GALNS: variants seen among roughly 807,000 people sequenced by gnomAD.
The protein encoded by GALNS is N-acetylgalactosamine-6-sulfatase.
In GALNS, 65 loss-of-function variants were observed where a neutral mutation model predicts 65.9. That is an observed-to-expected ratio of 0.99 (90% CI 0.81 to 1.21). The LOEUF (loss-of-function observed/expected upper bound fraction) is 1.21. Ranked by LOEUF, GALNS falls within the 50% of genes most tolerant of loss-of-function variation. GALNS has a pLI of 0.00. For synonymous variants in GALNS, 346 were observed against 288.9 expected, an observed-to-expected ratio of 1.20 and a Z score of -2.00; for missense variants, 776 against 700.7, an observed-to-expected ratio of 1.11 and a Z score of -1.21.
In GALNS at chr16:88,837,717, A is replaced by G. The variant is rs765970426; in HGVS notation, c.471T>C (p.Asp157=). ...PQFHPLKHGF[D]EWFGSPNCHF... Reference sequence around the variant, plus strand: ...GGCAGTTGGGGGATCCAAACCACTCATCAAATCCGTGCTTCAGGGGGTGGA... The same window carrying G: ...GGCAGTTGGGGGATCCAAACCACTCGTCAAATCCGTGCTTCAGGGGGTGGA... Residue 157 remains aspartate, a synonymous_variant, in exon 5 of 14, where the codon GAT becomes GAC. Coordinates refer to ENST00000268695, the MANE Select transcript of GALNS (RefSeq NM_000512.5). 83 of 1,614,044 alleles carry G rather than the reference A, an allele frequency of 5.1e-5. No individual in the cohort carries two copies. In the South Asian group the frequency reaches 8.2e-4, roughly 16 times the overall value.
rs764602832 is a variant in GALNS, at chr16:88,849,797, TAG to T, written c.120+6959_120+6960del. The stretch of plus-strand genomic sequence containing the variant: ...TGGAGGCTGGAATGAAAGGAGGACC[TAG>T]AGAGAGGTGTCCCCTGAAGCTGATG... On this transcript the variant is annotated intron_variant, in intron 1 of 13. Coordinates refer to ENST00000268695, the MANE Select transcript of GALNS (RefSeq NM_000512.5). 5.3e-5 allele frequency among the ~76,000 whole-genome samples: 8 copies of T among 152,282 alleles called. No individual in the cohort carries two copies. In the East Asian group the frequency reaches 1.5e-3, roughly 29 times the overall value.
At chr16:88,830,258 G>C (rs973998842) in intron 9 of GALNS, among the ~76,000 whole-genome samples, 1 of 117,246 alleles carries the variant, frequency 8.5e-6, no homozygotes, top group Admixed American at 8.0e-5. Context: ...AAAAAAAAAC[G>C]TGGAACAGGA....
chr16:88,818,136 G>C lies in GALNS; in HGVS notation c.1365-12C>G. Reference sequence around the variant, plus strand: ...CGGCGCTGGCAAAGCTGGGGACAGAGAGCTCTGGTCACACGGCTGGGGCTG... The same window carrying C: ...CGGCGCTGGCAAAGCTGGGGACAGACAGCTCTGGTCACACGGCTGGGGCTG... On this transcript the variant is annotated splice_polypyrimidine_tract_variant and intron_variant, in intron 12 of 13. Coordinates refer to ENST00000268695, the MANE Select transcript of GALNS (RefSeq NM_000512.5). 1.3e-6 allele frequency: 2 copies of C among 1,567,984 alleles called. No homozygotes were observed. The highest frequency in any genetic ancestry group is 1.7e-6 in the Non-Finnish European group (2 of 1,163,832).
rs201278722 is a variant in GALNS at position 88,842,721 on chromosome 16, G to C, written c.229C>G (p.Pro77Ala). Residue 77 changes from proline (P) to alanine (A), a missense_variant, in exon 2 of 14, where the codon CCT (proline) becomes GCT (alanine). By Grantham distance (27) the Pro-to-Ala change is conservative. Coordinates refer to ENST00000268695, the MANE Select transcript of GALNS (RefSeq NM_000512.5). ...GCTGACTTACATGGCGAGCACAGAG[G>C]GTTGGCAGAATAGAAGTTTGGGAAA... ...LLFPNFYSAN[P>A]LCSPSRAALL... 1 of 1,612,990 alleles carries C rather than the reference G, an allele frequency of 6.2e-7. No homozygotes were observed. Among genetic ancestry groups the C allele is most frequent in the African/African-American group, 1.3e-5 (1 of 75,028 alleles).
chr16:88,851,540 C>T (rs982265247), intron 1 of GALNS, among the ~76,000 whole-genome samples: 4 of 152,068 alleles, frequency 2.6e-5, no homozygotes, highest in African/African-American at 7.2e-5. Flanking sequence ...GAGGGTGAGC[C>T]GAAGCAGGGT....
rs576763862 is a variant in GALNS, at chr16:88,835,925, A to T, written c.634-76T>A. 3.8e-4 allele frequency: 604 copies of T among 1,594,124 alleles called. 3 individuals carry two copies. The East Asian group carries it at 0.012, about 32-fold the overall frequency. Reference sequence around the variant, plus strand: ...TGCCTCCCACGGTCCCCGTCCCCACACGTCCCACGGGGCGAGGTTGGTGCG... The same window carrying T: ...TGCCTCCCACGGTCCCCGTCCCCACTCGTCCCACGGGGCGAGGTTGGTGCG... On this transcript the variant is annotated intron_variant, in intron 6 of 13. Transcript: ENST00000268695.
chr16:88,855,580 C>G, intron 1 of GALNS: 1 of 684,300 alleles, frequency 1.5e-6, no homozygotes. Flanking sequence ...TGTCGGCTGT[C>G]ACCCCTGGGT....
intron 10 of GALNS, 148 bp from the exon 11 acceptor site, chr16:88,825,017 G>A: frequency 2.7e-6 from 2 of 751,022 alleles, no homozygotes; most frequent in Admixed American, 2.0e-5. Context: ...AAAGTAAAAA[G>A]GCCCGCAAGG....
At chr16:88,846,275 T>G (rs1214312270) in intron 1 of GALNS, among the ~76,000 whole-genome samples, 1 of 152,018 alleles carries the variant, frequency 6.6e-6, no homozygotes, top group African/African-American at 2.4e-5. Flanking sequence ...GTCACTAACA[T>G]GGGGGTGGAC....
At chr16:88,835,377 C>T (rs1009185150) in intron 7 of GALNS, 25 bp from the exon 8 acceptor site, 1 of 1,613,098 alleles carries the variant, frequency 6.2e-7, no homozygotes, top group African/African-American at 1.3e-5. Flanking sequence ...CAAAAGGCAT[C>T]TCCATACCTG....
At chr16:88,850,959 C>A (rs1001471441) in intron 1 of GALNS, among the ~76,000 whole-genome samples, 1 of 152,182 alleles carries the variant, frequency 6.6e-6, no homozygotes, top group Admixed American at 6.5e-5. Flanking sequence ...AGACGCCAGC[C>A]GAGGGCAAAA....
rs1388603756 is a variant in GALNS, at chr16:88,824,706, G to A, written c.1242+61C>T. 5 of 1,427,976 alleles carry A rather than the reference G, an allele frequency of 3.5e-6. No homozygotes were observed. The African/African-American group carries it at 4.2e-5, about 12-fold the overall frequency. 88.5% of individuals were successfully genotyped at this position (1,427,976 alleles called of 1,614,324 possible). A position where few individuals can be genotyped will look rare whatever the true frequency, so the allele number is the denominator to read the frequency against. ...GTGCCTCCCCCAGGACGGTGCTCAG[G>A]GGCCACGTCTGGATAGAGATGGGGG... On this transcript the variant is annotated intron_variant, in intron 11 of 13. Coordinates refer to ENST00000268695, the MANE Select transcript of GALNS (RefSeq NM_000512.5).
intron 1 of GALNS, chr16:88,843,138 C>T (rs1358384220): frequency 7.0e-7 from 1 of 1,431,214 alleles, no homozygotes; most frequent in Non-Finnish European, 9.3e-7. Context: ...GTCCGTCTGC[C>T]TCCTCCCAGC....
chr16:88,816,011 A>C (rs540574341), intron 13 of GALNS: 141 of 985,328 alleles, frequency 1.4e-4, no homozygotes, highest in Non-Finnish European at 1.7e-4. Context: ...GGGAAGGGGT[A>C]AGGAGGGCCC....
At chr16:88,856,025 G>A (rs961460834) in intron 1 of GALNS, 2 of 610,034 alleles carry the variant, frequency 3.3e-6, no homozygotes, top group Admixed American at 5.6e-5. Context: ...TTTCAACCCA[G>A]GTGTGTCTGG....
In GALNS at chr16:88,826,709, T is replaced by G; in HGVS notation, c.1132A>C (p.Met378Leu). The change falls in exon 10 of 14, where the codon ATG (methionine) becomes CTG (leucine). Residue 378 changes from methionine to leucine, a missense_variant. Physicochemically the swap from Met to Leu is conservative, Grantham distance 15 (BLOSUM62 2). Transcript: ENST00000268695. ...GGCAGGTCTAGCACCAACCTGTCCA[T>G]CAGCCGGCCCTGCAGGAGGGTGGGG... is the stretch of plus-strand genomic sequence containing the variant. ...LLPTLLQGRLMDRPIFYYRGD... is the reference protein window; with the variant it reads ...LLPTLLQGRLLDRPIFYYRGD... 6.2e-7 allele frequency: 1 copy of G among 1,612,444 alleles called. No individual in the cohort carries two copies. The highest frequency in any genetic ancestry group is 8.5e-7 in the Non-Finnish European group (1 of 1,179,654).
intron 11 of GALNS, among the ~76,000 whole-genome samples, 172 bp downstream of exon 11, chr16:88,824,595 G>A (rs1282065796): frequency 6.6e-6 from 1 of 152,192 alleles, no homozygotes; most frequent in Non-Finnish European, 1.5e-5. Context: ...CCTGTCAGCT[G>A]CCATGCCCTA....
Position 88,841,843 on chromosome 16 carries a change from C to T in GALNS, c.319+54G>A, listed in dbSNP as rs906372242. 5.9e-6 allele frequency: 9 copies of T among 1,526,848 alleles called. No homozygotes were observed. The African/African-American group carries it at 8.2e-5, about 14-fold the overall frequency. The allele number at this position is 1,526,848 out of a possible 1,614,324, so 94.6% of individuals were successfully genotyped here. A position where few individuals can be genotyped will look rare whatever the true frequency, so the allele number is the denominator to read the frequency against. The stretch of plus-strand genomic sequence containing the variant: ...GGAGACACGGGCACCACCCGTAGCC[C>T]ACCTGCCCAACCCTGCACCCCAAGG... On this transcript the variant is annotated intron_variant, in intron 3 of 13. Transcript: ENST00000268695.
intron 1 of GALNS, among the ~76,000 whole-genome samples, chr16:88,853,763 T>C (rs1967621241): frequency 6.6e-6 from 1 of 152,170 alleles, no homozygotes; most frequent in Non-Finnish European, 1.5e-5. Context: ...CAGGCCGCGC[T>C]GGACCGTGGG....
Sources: allele counts gnomAD v4.1 joint callset (sites outside exome capture counted in the v4.1 genomes callset), GRCh38; gene constraint gnomAD v4.1.1; transcripts MANE v1.5; gene names NCBI Gene and HGNC (gene_info 2026-07-23, HGNC 2026-07-21).